The following DCTN5 variants were observed in gnomAD, a reference collection of about 807,000 sequenced individuals.
The protein encoded by DCTN5 is dynactin subunit 5, also known as dynactin 4.
A neutral mutation model predicts 23.5 loss-of-function variants in DCTN5; 14 were observed. That is an observed-to-expected ratio of 0.60 (90% CI 0.39 to 0.93). The LOEUF is 0.93. Among genes scored for constraint, DCTN5 ranks in the 40% least tolerant of loss-of-function variants. The pLI is 0.00. For missense variants in DCTN5, 156 were observed against 225.9 expected, an observed-to-expected ratio of 0.69 and a Z score of 1.98; for synonymous variants, 67 against 79.6, an observed-to-expected ratio of 0.84 and a Z score of 0.84.
intron 2 of DCTN5, among the ~76,000 whole-genome samples, chr16:23,645,108 TA>T (rs1567228336): frequency 0.017 from 588 of 34,694 alleles, 67 homozygotes; most frequent in Admixed American, 0.057. Context: ...TATATATATA[TA>T]TATATATATA....
intron 2 of DCTN5, among the ~76,000 whole-genome samples, chr16:23,643,846 C>T (rs376257796): frequency 1.6e-4 from 24 of 152,032 alleles, no homozygotes; most frequent in African/African-American, 5.8e-4. Flanking sequence ...AGCAAAGAGA[C>T]GAGTATAAAC....
intron 4 of DCTN5, 103 bp from the exon 5 acceptor site, chr16:23,665,523 C>A: frequency 1.8e-6 from 2 of 1,106,332 alleles, no homozygotes; most frequent in Non-Finnish European, 1.3e-6. Context: ...ACCCTCTTGT[C>A]ACCGTCCCTG....
chr16:23,643,087 G>T (rs1351868936), intron 2 of DCTN5, 64 bp downstream of exon 2: 4 of 1,344,208 alleles, frequency 3.0e-6, no homozygotes, highest in Non-Finnish European at 4.3e-6. Flanking sequence ...TGTCACCACA[G>T]CAGGGCAGAT....
At position 23,645,089 on chromosome 16, in the gene DCTN5, A is replaced by C. The variant is rs188915165; in HGVS notation, c.117+2066A>C. Among the ~76,000 whole-genome samples, 104 of 11,664 alleles carry C rather than the reference A, an allele frequency of 8.9e-3. 1 individual carries two copies. In the East Asian group the frequency reaches 0.15, roughly 17 times the overall value. The allele number at this position is 11,664 out of a possible 152,430, so 7.7% of individuals were successfully genotyped here. ...GCCACTGCACCCAGCCTAACTATAT[A>C]TATATATATATATATATATATATAT... On this transcript the variant is annotated intron_variant, in intron 2 of 5. Coordinates refer to ENST00000300087, the MANE Select transcript of DCTN5 (RefSeq NM_032486.4).
rs772170358 is a variant in DCTN5 at position 23,672,748 on chromosome 16, A to G, written c.*5604A>G. ...TGTGCCTGGCACATAGTAAATGCTT[A>G]ATAAGGGTTCACTGTTAGTATTACT... On this transcript the variant is annotated 3_prime_UTR_variant, in exon 6 of 6. Transcript: ENST00000300087. The G allele has an allele frequency of 6.6e-6, 1 of 152,266 alleles. No homozygotes were observed. Among genetic ancestry groups the G allele is most frequent in the Non-Finnish European group, 1.5e-5 (1 of 68,054 alleles). 9.4% of individuals were successfully genotyped at this position (152,266 alleles called of 1,614,324 possible).
At chr16:23,645,082 ACTATATATATATATATATATATATAT>A (rs1967398049) in intron 2 of DCTN5, among the ~76,000 whole-genome samples, 1 of 60,342 alleles carries the variant, frequency 1.7e-5, no homozygotes, top group Non-Finnish European at 3.0e-5. Context: ...ACCCAGCCTA[ACTATATATATATATATATATATATAT>A]ATATATATAT....
intron 2 of DCTN5, among the ~76,000 whole-genome samples, chr16:23,646,039 G>A (rs189988428): frequency 3.3e-5 from 5 of 152,218 alleles, no homozygotes; most frequent in African/African-American, 1.2e-4. Context: ...ACCATTTTAC[G>A]TTTCCACCAG....
rs1402875828 is a variant in DCTN5, at chr16:23,672,684, C to A, written c.*5540C>A. On this transcript the variant is annotated 3_prime_UTR_variant, in exon 6 of 6. Transcript: ENST00000300087. Reference sequence around the variant, plus strand: ...TATAAACCTTGGTTGGGTAAGTAACCCAAGGTAAATGAGATCATCTCTGTA... The same window carrying A: ...TATAAACCTTGGTTGGGTAAGTAACACAAGGTAAATGAGATCATCTCTGTA... The A allele has an allele frequency of 6.6e-6, 1 of 152,140 alleles. No individual in the cohort carries two copies. The highest frequency in any genetic ancestry group is 1.5e-5 in the Non-Finnish European group (1 of 68,046). 9.4% of individuals were successfully genotyped at this position (152,140 alleles called of 1,614,324 possible).
chr16:23,665,525 C>A, intron 4 of DCTN5, 101 bp from the exon 5 acceptor site: 1 of 1,123,632 alleles, frequency 8.9e-7, no homozygotes, highest in Non-Finnish European at 1.3e-6. Context: ...CCTCTTGTCA[C>A]CGTCCCTGGC....
At chr16:23,666,914 G>A in intron 5 of DCTN5, 133 bp from the exon 6 acceptor site, 4 of 1,439,788 alleles carry the variant, frequency 2.8e-6, no homozygotes, top group Non-Finnish European at 3.7e-6. Context: ...CACTGGACCA[G>A]AACAGCCTCA....
chr16:23,645,430 A>G (rs1402920762), intron 2 of DCTN5, among the ~76,000 whole-genome samples: 2 of 151,906 alleles, frequency 1.3e-5, no homozygotes, highest in Non-Finnish European at 1.5e-5. Context: ...CAGCCTTACC[A>G]ATTTTTAAGT....
intron 2 of DCTN5, chr16:23,657,694 G>A (rs184599447): frequency 2.2e-5 from 5 of 225,926 alleles, no homozygotes; most frequent in South Asian, 1.2e-4. Flanking sequence ...CACCTGCTTC[G>A]GCCTCCCAAA....
At position 23,669,241 on chromosome 16, in the gene DCTN5, TG is replaced by T. The variant is rs2140990571; in HGVS notation, c.*2101del. The T allele has an allele frequency of 6.6e-6, 1 of 152,312 alleles. No homozygotes were observed. The highest frequency in any genetic ancestry group is 2.4e-5 in the African/African-American group (1 of 41,508). The allele number at this position is 152,312 out of a possible 1,614,324, so 9.4% of individuals were successfully genotyped here. On this transcript the variant is annotated 3_prime_UTR_variant, in exon 6 of 6. Coordinates refer to ENST00000300087, the MANE Select transcript of DCTN5 (RefSeq NM_032486.4). ...TGGTTGGGACTCTTTCCAGTTCACT[TG>T]GGGCAGAGGGAATTTAATGGCTCAC...
At chr16:23,658,923 G>A (rs1320076956) in intron 3 of DCTN5, among the ~76,000 whole-genome samples, 2 of 152,198 alleles carry the variant, frequency 1.3e-5, no homozygotes, top group East Asian at 1.9e-4. Flanking sequence ...ACAAGGGACC[G>A]GAACCTGGAA....
At chr16:23,649,127 C>T (rs1967542826) in intron 2 of DCTN5, among the ~76,000 whole-genome samples, 1 of 152,172 alleles carries the variant, frequency 6.6e-6, no homozygotes, top group Non-Finnish European at 1.5e-5. Context: ...TCCCAAAATG[C>T]TGGGATTACA....
Position 23,667,252 on chromosome 16 carries a change from C to A in DCTN5, c.*108C>A. On this transcript the variant is annotated 3_prime_UTR_variant, in exon 6 of 6. Transcript: ENST00000300087. ...CTTTTGTGTCTTTGACATCTACCAC[C>A]CTCCTCCTTTTAAAAAATTTCTTTA... The A allele has an allele frequency of 1.4e-6, 2 of 1,386,770 alleles. No homozygotes were observed. The highest frequency in any genetic ancestry group is 2.2e-5 in the Admixed American group (1 of 46,474). The allele number at this position is 1,386,770 out of a possible 1,614,324, so 85.9% of individuals were successfully genotyped here.
intron 2 of DCTN5, among the ~76,000 whole-genome samples, chr16:23,648,801 C>T (rs1343961101): frequency 1.3e-5 from 2 of 152,124 alleles, no homozygotes; most frequent in East Asian, 1.9e-4. Flanking sequence ...TCCTAAACTG[C>T]GGTGAAGTGG....
intron 2 of DCTN5, among the ~76,000 whole-genome samples, chr16:23,649,466 C>T (rs1967550104): frequency 6.6e-6 from 1 of 152,044 alleles, no homozygotes; most frequent in Non-Finnish European, 1.5e-5. Flanking sequence ...TCATCTTTTC[C>T]AAGACCAGTG....
intron 2 of DCTN5, 26 bp downstream of exon 2, chr16:23,643,049 T>G (rs56737329): frequency 6.2e-7 from 1 of 1,608,122 alleles, no homozygotes; most frequent in Non-Finnish European, 8.5e-7. Flanking sequence ...AGCTCCAGGC[T>G]GCAAACCTTA....
Sources: gnomAD v4.1 joint callset for allele counts (sites outside exome capture counted in the v4.1 genomes callset) on GRCh38, gnomAD v4.1.1 for gene constraint, MANE v1.5 for transcripts, NCBI Gene and HGNC (gene_info 2026-07-23, HGNC 2026-07-21) for gene names.